KCNH7: variants seen among roughly 807,000 people sequenced by gnomAD.
KCNH7 encodes the protein potassium voltage-gated channel subfamily H member 7.
In KCNH7, 49 loss-of-function variants were observed where a neutral mutation model predicts 120.8. That is an observed-to-expected ratio of 0.41 (90% CI 0.32 to 0.51). KCNH7 has a LOEUF of 0.51. KCNH7 is among the 20% of genes least tolerant of loss of function. The probability of loss-of-function intolerance (pLI) is 0.38; values close to 1 mark genes in which losing one functional copy is unlikely to be tolerated. For synonymous variants in KCNH7, 547 were observed against 516.1 expected (o/e 1.06, Z -0.81); for missense variants, 1,097 against 1,446.6 (o/e 0.76, Z 3.92).
At chr2:162,420,271 G>A (rs955857429) in intron 9 of KCNH7, among the ~76,000 whole-genome samples, 1 of 152,158 alleles carries the variant, frequency 6.6e-6, no homozygotes. Flanking sequence ...AGCTACTCAG[G>A]AGGCTGAGGC....
chr2:162,824,920 T>C (rs1685231885), intron 2 of KCNH7, among the ~76,000 whole-genome samples: 1 of 151,992 alleles, frequency 6.6e-6, no homozygotes, highest in African/African-American at 2.4e-5. Flanking sequence ...TAAAAACTAC[T>C]GAAGAAAAGC....
rs932575084 is a variant in KCNH7 at position 162,386,156 on chromosome 2, C to T, written c.2711-1217G>A. On this transcript the variant is annotated intron_variant, in intron 12 of 15. Transcript: ENST00000332142. ...TGGACCTTTCCGATCTCCAACATTACAGACATCATTGATTACTTACTGTTA... is the reference window on the plus strand; with the variant it reads ...TGGACCTTTCCGATCTCCAACATTATAGACATCATTGATTACTTACTGTTA... Among the ~76,000 whole-genome samples the T allele has an allele frequency of 5.3e-5, 8 of 152,012 alleles. No homozygotes were observed. The East Asian group carries it at 1.6e-3, about 29-fold the overall frequency.
intron 9 of KCNH7, among the ~76,000 whole-genome samples, chr2:162,406,438 T>G (rs899799004): frequency 1.3e-5 from 2 of 151,978 alleles, no homozygotes; most frequent in African/African-American, 4.8e-5. Context: ...TTAGGAAGTC[T>G]GAGTGTGGCA....
At chr2:162,733,558 C>A (rs1687801836) in intron 2 of KCNH7, among the ~76,000 whole-genome samples, 2 of 152,178 alleles carry the variant, frequency 1.3e-5, no homozygotes, top group South Asian at 4.1e-4. Context: ...TAATACAAAG[C>A]AGTGCTGAAA....
chr2:162,697,530 T>C (rs1410442839), intron 2 of KCNH7, among the ~76,000 whole-genome samples: 1 of 152,044 alleles, frequency 6.6e-6, no homozygotes, highest in Non-Finnish European at 1.5e-5. Context: ...TTGATAATAT[T>C]AAAGTCAGGG....
At chr2:162,419,871 T>C (rs1270463968) in intron 9 of KCNH7, among the ~76,000 whole-genome samples, 9 of 152,154 alleles carry the variant, frequency 5.9e-5, no homozygotes, top group African/African-American at 2.2e-4. Context: ...TAAAACAGTG[T>C]TAGGTAACCT....
Position 162,431,243 on chromosome 2 carries a change from G to A in KCNH7, c.1954+3955C>T, listed in dbSNP as rs970940095. Among the ~76,000 whole-genome samples the A allele has an allele frequency of 2.0e-5, 3 of 152,096 alleles. No homozygotes were observed. In the East Asian group the frequency reaches 5.8e-4, roughly 29 times the overall value. ...TTTTTCTTTTAGAATAAAGATTAGAGTTAAACACAGGATGCTGAGAAAGTT... is the reference window on the plus strand; with the variant it reads ...TTTTTCTTTTAGAATAAAGATTAGAATTAAACACAGGATGCTGAGAAAGTT... On this transcript the variant is annotated intron_variant, in intron 8 of 15. Transcript: ENST00000332142.
intron 2 of KCNH7, among the ~76,000 whole-genome samples, chr2:162,700,973 C>T (rs1686474396): frequency 6.6e-6 from 1 of 152,134 alleles, no homozygotes; most frequent in African/African-American, 2.4e-5. Context: ...CTTGTGTTTG[C>T]CCTATATGCC....
chr2:162,468,511 C>A (rs1317633731), intron 6 of KCNH7, among the ~76,000 whole-genome samples: 1 of 120,536 alleles, frequency 8.3e-6, no homozygotes, highest in Non-Finnish European at 1.6e-5. Flanking sequence ...TTATTCTTTT[C>A]CTTTTTTTTT....
chr2:162,599,413 A>G (rs920120403), intron 2 of KCNH7, among the ~76,000 whole-genome samples: 2 of 151,958 alleles, frequency 1.3e-5, no homozygotes, highest in Admixed American at 1.3e-4. Context: ...CCTTTCCTCT[A>G]TGAAATAATG....
At chr2:162,544,700 G>T (rs549162180) in intron 2 of KCNH7, among the ~76,000 whole-genome samples, 6 of 152,138 alleles carry the variant, frequency 3.9e-5, no homozygotes, top group Admixed American at 2.6e-4. Flanking sequence ...TTGCAGCCTT[G>T]TCCATTTCCA....
At chr2:162,522,039 A>C (rs1196732149) in intron 3 of KCNH7, among the ~76,000 whole-genome samples, 3 of 151,936 alleles carry the variant, frequency 2.0e-5, no homozygotes, top group Non-Finnish European at 4.4e-5. Context: ...GACAAAGATA[A>C]GAGTAACCAA....
chr2:162,828,401 T>G (rs1685361848), intron 2 of KCNH7, among the ~76,000 whole-genome samples: 2 of 152,108 alleles, frequency 1.3e-5, no homozygotes, highest in Non-Finnish European at 2.9e-5. Context: ...TAAATATAAG[T>G]AAGAAGAGTG....
chr2:162,815,286 A>T (rs1684879275), intron 2 of KCNH7, among the ~76,000 whole-genome samples: 1 of 152,242 alleles, frequency 6.6e-6, no homozygotes, highest in Admixed American at 6.5e-5. Flanking sequence ...AGCTTTAAAG[A>T]TTACAAATAG....
At chr2:162,462,170 A>G (rs976424924) in intron 6 of KCNH7, among the ~76,000 whole-genome samples, 1 of 152,102 alleles carries the variant, frequency 6.6e-6, no homozygotes, top group African/African-American at 2.4e-5. Flanking sequence ...GTCAAGGATT[A>G]ATGTACGTTA....
intron 8 of KCNH7, among the ~76,000 whole-genome samples, chr2:162,429,073 T>C (rs913627459): frequency 6.6e-6 from 1 of 151,878 alleles, no homozygotes; most frequent in African/African-American, 2.4e-5. Context: ...TTTCCTACAA[T>C]ATTTTACATT....
At chr2:162,395,033 A>C (rs1686868032) in intron 11 of KCNH7, among the ~76,000 whole-genome samples, 1 of 151,886 alleles carries the variant, frequency 6.6e-6, no homozygotes, top group African/African-American at 2.4e-5. Flanking sequence ...CCTCATCCTT[A>C]TGATTTTTTA....
intron 2 of KCNH7, among the ~76,000 whole-genome samples, chr2:162,643,635 C>T (rs1325104424): frequency 1.3e-5 from 2 of 151,422 alleles, no homozygotes; most frequent in South Asian, 2.1e-4. Context: ...GGTGAAACCC[C>T]GTCTCTACTA....
chr2:162,481,966 A>T (rs555006434), intron 6 of KCNH7, among the ~76,000 whole-genome samples: 30 of 95,744 alleles, frequency 3.1e-4, no homozygotes, highest in Non-Finnish European at 5.1e-4. Context: ...TCTATCTATC[A>T]TCTATCTATC....
Sources: allele counts gnomAD v4.1 joint callset (sites outside exome capture counted in the v4.1 genomes callset), GRCh38; gene constraint gnomAD v4.1.1; transcripts MANE v1.5; gene names NCBI Gene and HGNC (gene_info 2026-07-23, HGNC 2026-07-21).